The following HRAS variants were observed in gnomAD, a reference collection of about 807,000 sequenced individuals.
HRAS encodes GTPase HRas.
In HRAS, 11 loss-of-function variants were observed where a neutral mutation model predicts 19.8. That is an observed-to-expected ratio of 0.55 (90% CI 0.35 to 0.92). The LOEUF (loss-of-function observed/expected upper bound fraction) is 0.92. Among genes scored for constraint, HRAS ranks in the 40% least tolerant of loss-of-function variants. The probability of loss-of-function intolerance (pLI) is 0.01; values close to 1 mark genes in which losing one functional copy is unlikely to be tolerated. For synonymous variants in HRAS, 149 were observed against 105.5 expected (o/e 1.41, Z -2.52); for missense variants, 204 against 255.9 (o/e 0.80, Z 1.38).
chr11:532,576 C>T (rs900585423), intron 5 of HRAS, 54 bp from the exon 6 acceptor site: 37 of 1,573,772 alleles, frequency 2.4e-5, no homozygotes, highest in African/African-American at 1.9e-4. Flanking sequence ...CCGGCAGGGG[C>T]GGGGAGCCGG....
rs35613389 is a variant in HRAS at position 533,308 on chromosome 11, C to CG, written c.450+144dup. The CG allele has an allele frequency of 6.3e-5, 101 of 1,600,628 alleles. No individual in the cohort carries two copies. Among genetic ancestry groups the CG allele is most frequent in the Non-Finnish European group, 7.6e-5 (90 of 1,178,650 alleles). On this transcript the variant is annotated intron_variant, in intron 4 of 5. Coordinates refer to ENST00000311189, the MANE Select transcript of HRAS (RefSeq NM_005343.4). ...AGGGGCCGCTGGGTCACATGGGTCC[C>CG]GGGGGGTCCCAGAGGGTCCCGGAGC...
intron 3 of HRAS, 50 bp from the exon 4 acceptor site, chr11:533,662 C>G: frequency 1.4e-5 from 22 of 1,612,834 alleles, no homozygotes; most frequent in Non-Finnish European, 1.9e-5. Flanking sequence ...GGCGCAGCGG[C>G]ATCCAGGACA....
In HRAS at chr11:533,345, C is replaced by T. The variant is rs538781280; in HGVS notation, c.450+108G>A. On this transcript the variant is annotated intron_variant, in intron 4 of 5. Transcript: ENST00000311189. ...GAGGGTCCCGGAGCTGGAGCTAGAGCCAGAGCGGCTGCCCTGTGTCAAGGG... is the reference window on the plus strand; with the variant it reads ...GAGGGTCCCGGAGCTGGAGCTAGAGTCAGAGCGGCTGCCCTGTGTCAAGGG... 5 of 1,606,110 alleles carry T rather than the reference C, an allele frequency of 3.1e-6. No homozygotes were observed. The East Asian group carries it at 8.9e-5, about 29-fold the overall frequency.
At chr11:534,633 G>A (rs1344616755) in intron 1 of HRAS, 1 of 485,352 alleles carries the variant, frequency 2.1e-6, no homozygotes, top group Non-Finnish European at 3.7e-6. Flanking sequence ...ACAGCTGAGC[G>A]CTCTCAACCA....
intron 2 of HRAS, 132 bp from the exon 3 acceptor site, chr11:534,076 C>T (rs771433892): frequency 2.4e-5 from 28 of 1,190,856 alleles, no homozygotes; most frequent in Non-Finnish European, 3.1e-5. Context: ...CGAGGGACTC[C>T]CCTCCTCTAG....
At chr11:534,004 G>A in intron 2 of HRAS, 60 bp from the exon 3 acceptor site, 1 of 1,556,516 alleles carries the variant, frequency 6.4e-7, no homozygotes, top group Non-Finnish European at 8.8e-7. Context: ...AGTTCACACA[G>A]CCAGCCTCTC....
At chr11:533,267 G>T in intron 4 of HRAS, 186 bp downstream of exon 4, 1 of 1,577,138 alleles carries the variant, frequency 6.3e-7, no homozygotes, top group East Asian at 2.3e-5. Flanking sequence ...TGCCGTCCCG[G>T]GAGACTTACA....
intron 5 of HRAS, 28 bp from the exon 6 acceptor site, chr11:532,550 A>AC: frequency 6.4e-7 from 1 of 1,551,594 alleles, no homozygotes; most frequent in Non-Finnish European, 8.7e-7. Flanking sequence ...GAGGCTGCTG[A>AC]CCGCAGGCCA....
At chr11:534,070 G>A (rs1851299816) in intron 2 of HRAS, 126 bp from the exon 3 acceptor site, 3 of 1,214,120 alleles carry the variant, frequency 2.5e-6, no homozygotes, top group South Asian at 2.4e-5. Context: ...CTGAGACGAG[G>A]GACTCCCCTC....
In HRAS at chr11:534,470, C is replaced by G. The variant is rs367779694; in HGVS notation, c.-53-95G>C. On this transcript the variant is annotated intron_variant, in intron 1 of 5. Transcript: ENST00000311189. ...GGCCATCTGAAGGGCAAACCCACAG[C>G]GGTCCCTGGGCCCCAACGCCAGGCA... The G allele has an allele frequency of 4.6e-6, 3 of 658,582 alleles. No individual in the cohort carries two copies. The African/African-American group carries it at 5.4e-5, about 12-fold the overall frequency. The allele number at this position is 658,582 out of a possible 1,614,324, so 40.8% of individuals were successfully genotyped here.
chr11:532,651 C>T lies in HRAS; in HGVS notation c.555G>A (p.Lys185=), dbSNP rs1230514063. 7 of 1,612,416 alleles carry T rather than the reference C, an allele frequency of 4.3e-6. No individual in the cohort carries two copies. Among genetic ancestry groups the T allele is most frequent in the Middle Eastern group, 1.6e-4 (1 of 6,062 alleles). The change falls in exon 5 of 6, where the codon AAG becomes AAA. Residue 185 remains lysine, a synonymous_variant. Transcript: ENST00000311189. ...DESGPGCMSC[K]CVLS is the part of the protein sequence containing the mutation. Reference sequence around the variant, plus strand: ...CTCACCTGCGTCAGGAGAGCACACACTTGCAGCTCATGCAGCCGGGGCCAC... The same window carrying T: ...CTCACCTGCGTCAGGAGAGCACACATTTGCAGCTCATGCAGCCGGGGCCAC...
Position 535,436 on chromosome 11 carries a change from CCCGGGGCCAGGGCCGGGG to C in HRAS, c.-92_-75del, listed in dbSNP as rs1851432032. The C allele has an allele frequency of 6.9e-6, 1 of 145,670 alleles. No homozygotes were observed. Among genetic ancestry groups the C allele is most frequent in the South Asian group, 1.8e-4 (1 of 5,498 alleles). The allele number at this position is 145,670 out of a possible 1,614,324, so 9.0% of individuals were successfully genotyped here. On this transcript the variant is annotated 5_prime_UTR_variant, in exon 1 of 6. Coordinates refer to ENST00000311189, the MANE Select transcript of HRAS (RefSeq NM_005343.4). ...CTCACCGTTCACAGGCGCGACTGCC[CCCGGGGCCAGGGCCGGGG>C]CCGAGGCCGGGGCGGGGCGGGGGCG...
Position 533,902 on chromosome 11 carries a change from G to A in HRAS, c.154C>T (p.Leu52=), listed in dbSNP as rs2133991373. 1 of 1,613,184 alleles carries A rather than the reference G, an allele frequency of 6.2e-7. No individual in the cohort carries two copies. The highest frequency in any genetic ancestry group is 8.5e-7 in the Non-Finnish European group (1 of 1,179,998). The part of the protein sequence containing the change: ...KQVVIDGETC[L]LDILDTAGQE... ...CCGGCGGTATCCAGGATGTCCAACA[G>A]GCACGTCTCCCCATCAATGACCACC... is the stretch of plus-strand genomic sequence containing the variant. The change falls in exon 3 of 6, where the codon CTG becomes TTG. Residue 52 remains leucine (L), a synonymous_variant. Coordinates refer to ENST00000311189, the MANE Select transcript of HRAS (RefSeq NM_005343.4).
chr11:533,839 G>A lies in HRAS; in HGVS notation c.217C>T (p.Arg73Cys), dbSNP rs749674880. 1 of 1,613,318 alleles carries A rather than the reference G, an allele frequency of 6.2e-7. No individual in the cohort carries two copies. The highest frequency in any genetic ancestry group is 8.5e-7 in the Non-Finnish European group (1 of 1,179,968). The change falls in exon 3 of 6, where the codon CGC becomes TGC. Residue 73 changes from arginine to cysteine, a missense_variant. Around this residue, in one of 4 missense-constraint regions of HRAS, gnomAD observed 51 missense variants for 79.0 expected, o/e 0.65. Transcript: ENST00000311189. ...ACACACAGGAAGCCCTCCCCGGTGC[G>A]CATGTACTGGTCCCGCATGGCGCTG... Reference protein sequence around the residue: ...EYSAMRDQYMRTGEGFLCVFA... With the variant: ...EYSAMRDQYMCTGEGFLCVFA...
rs376667492 is a variant in HRAS, at chr11:533,541, G to A, written c.362C>T (p.Ala121Val). 6.2e-7 allele frequency: 1 copy of A among 1,613,766 alleles called. No individual in the cohort carries two copies. Among genetic ancestry groups the A allele is most frequent in the East Asian group, 2.2e-5 (1 of 44,902 alleles). Residue 121 changes from alanine (A) to valine (V), a missense_variant, in exon 4 of 6, where the codon GCT becomes GTT. Ala to Val is a moderately conservative substitution (Grantham distance 64). Transcript: ENST00000311189. ...MVLVGNKCDL[A>V]ARTVESRQAQ... ...CTGCCGAGATTCCACAGTGCGTGCA[G>A]CCAGGTCACACTTGTTCCCCACCAG...
rs1230183893 is a variant in HRAS at position 534,374 on chromosome 11, A to T, written c.-52T>A. ...GTCCTCCTACAGGGTCTCCTGCCCC[A>T]CCTGCCAAGGAGGGCCCTGCTCAGC... On this transcript the variant is annotated splice_region_variant and 5_prime_UTR_variant, in exon 2 of 6. Coordinates refer to ENST00000311189, the MANE Select transcript of HRAS (RefSeq NM_005343.4). 6.9e-7 allele frequency: 1 copy of T among 1,444,002 alleles called. No individual in the cohort carries two copies. The highest frequency in any genetic ancestry group is 9.6e-7 in the Non-Finnish European group (1 of 1,041,606). 89.4% of individuals were successfully genotyped at this position (1,444,002 alleles called of 1,614,324 possible).
chr11:533,694 C>T (rs2133988917), intron 3 of HRAS, 72 bp downstream of exon 3: 7 of 1,611,684 alleles, frequency 4.3e-6, no homozygotes, highest in Middle Eastern at 1.7e-4. Flanking sequence ...GACAGGAGGC[C>T]CCTGCCTGGA....
intron 1 of HRAS, chr11:535,195 A>T (rs1481690484): frequency 6.6e-6 from 1 of 151,112 alleles, no homozygotes; most frequent in African/African-American, 2.4e-5. Context: ...TGGGGCCCGG[A>T]TTCCCGCAGG....
At position 532,395 on chromosome 11, in the gene HRAS, C is replaced by T. The variant is rs898142517; in HGVS notation, c.*133G>A. ...TCCCTGGGAGGGTCTGCAGTCACCT[C>T]GGCCCACGGTCCCGGGGTGACTGGG... On this transcript the variant is annotated 3_prime_UTR_variant, in exon 6 of 6. Coordinates refer to ENST00000311189, the MANE Select transcript of HRAS (RefSeq NM_005343.4). 7.4e-5 allele frequency: 45 copies of T among 606,686 alleles called. No individual in the cohort carries two copies. Among genetic ancestry groups the T allele is most frequent in the African/African-American group, 5.2e-4 (28 of 53,974 alleles). The allele number at this position is 606,686 out of a possible 1,614,324, so 37.6% of individuals were successfully genotyped here. A position where few individuals can be genotyped will look rare whatever the true frequency, so the allele number is the denominator to read the frequency against.
Sources: gnomAD v4.1 joint callset for allele counts on GRCh38, gnomAD v4.1.1 for gene constraint, gnomAD v4.1.1 regional missense constraint, MANE v1.5 for transcripts, NCBI Gene and HGNC (gene_info 2026-07-23, HGNC 2026-07-21) for gene names.